CASZ1: variants seen among roughly 807,000 people sequenced by gnomAD.
CASZ1 encodes the protein castor zinc finger 1.
In CASZ1, 28 loss-of-function variants were observed where a neutral mutation model predicts 135.2. The observed-to-expected ratio is 0.21, with a 90% CI of 0.15 to 0.28. The LOEUF (loss-of-function observed/expected upper bound fraction) is 0.28, where lower values mean the gene tolerates loss of function less well. CASZ1 is among the 10% of genes least tolerant of loss of function. The pLI, the probability that CASZ1 is intolerant of heterozygous loss-of-function variation, is 1.00. For missense variants in CASZ1, 2,161 were observed against 2,453.3 expected (o/e 0.88, Z 2.52); for synonymous variants, 1,068 against 1,073.4 (o/e 0.99, Z 0.10).
chr1:10,690,420 G>A (rs1638727525), intron 4 of CASZ1, among the ~76,000 whole-genome samples: 1 of 152,226 alleles, frequency 6.6e-6, no homozygotes, highest in African/African-American at 2.4e-5. Flanking sequence ...CCTCAAGACA[G>A]TATGCTCTCA....
chr1:10,756,307 C>A lies in CASZ1; in HGVS notation c.-77+4394G>T, dbSNP rs560791520. 2.0e-5 allele frequency among the ~76,000 whole-genome samples: 3 copies of A among 152,356 alleles called. No homozygotes were observed. Among genetic ancestry groups the A allele is most frequent in the South Asian group, 4.1e-4 (2 of 4,830 alleles). On this transcript the variant is annotated intron_variant, in intron 2 of 20. Transcript: ENST00000377022. The surrounding 1 kb of genome is among the most constrained non-coding windows in gnomAD (Gnocchi z 5.9). ...CTTGGGACATCCCCGATGCACCCCCCACCCTCGCCCCCGCAAGACATCACC... is the reference window on the plus strand; with the variant it reads ...CTTGGGACATCCCCGATGCACCCCCAACCCTCGCCCCCGCAAGACATCACC...
chr1:10,681,153 G>A (rs1368984791), intron 4 of CASZ1, among the ~76,000 whole-genome samples: 1 of 151,784 alleles, frequency 6.6e-6, no homozygotes, highest in East Asian at 1.9e-4. Flanking sequence ...TGCCCGCCTT[G>A]GCCTCCCAAA....
In CASZ1 at chr1:10,694,584, C is replaced by CCCG. The variant is rs1171158662; in HGVS notation, c.-23-675_-23-673dup. 24,708 of 137,252 alleles carry CCCG rather than the reference C, an allele frequency of 0.18. 2,487 individuals are homozygous for CCCG. Among genetic ancestry groups the CCCG allele is most frequent in the Middle Eastern group, 0.32 (72 of 226 alleles). The allele number at this position is 137,252 out of a possible 1,614,324, so 8.5% of individuals were successfully genotyped here. On this transcript the variant is annotated intron_variant, in intron 3 of 20. Transcript: ENST00000377022. The surrounding 1 kb of genome is among the most constrained non-coding windows in gnomAD (Gnocchi z 6.6). Reference sequence around the variant, plus strand: ...GGCAGGTGAAAGAGCAGAGCGCGGCCCCGCCGCCGCCGCCGCCGCCGCCGC... The same window carrying CCCG: ...GGCAGGTGAAAGAGCAGAGCGCGGCCCCGCCGCCGCCGCCGCCGCCGCCGCCGC...
Position 10,644,945 on chromosome 1 carries a change from G to A in CASZ1, c.3840C>T (p.Phe1280=), listed in dbSNP as rs758888266. The change falls in exon 18 of 21, where the codon TTC becomes TTT. Residue 1280 remains phenylalanine, a synonymous_variant. Transcript: ENST00000377022. The part of the protein sequence containing the change: ...ERRAANGFKY[F]TKREECGRLG... ...GCCTGCCACACTCCTCGCGCTTGGT[G>A]AAGTATTTGAAGCCATTGGCTGCCC... 1.2e-6 allele frequency: 2 copies of A among 1,613,746 alleles called. No homozygotes were observed. The highest frequency in any genetic ancestry group is 2.7e-5 in the African/African-American group (2 of 74,936).
rs1423368118 is a variant in CASZ1 at position 10,777,290 on chromosome 1, G to A, written c.-233-16433C>T. On this transcript the variant is annotated intron_variant, in intron 1 of 20. Coordinates refer to ENST00000377022, the MANE Select transcript of CASZ1 (RefSeq NM_001079843.3). The surrounding 1 kb of genome is among the most constrained non-coding windows in gnomAD (Gnocchi z 4.4). ...GACAGGACAAGGACCGCAGGGTTGG[G>A]ACCCCTATGAGGACCACGGAGAGGG... Among the ~76,000 whole-genome samples the A allele has an allele frequency of 6.6e-6, 1 of 152,140 alleles. No individual in the cohort carries two copies. The highest frequency in any genetic ancestry group is 1.5e-5 in the Non-Finnish European group (1 of 68,016).
intron 2 of CASZ1, among the ~76,000 whole-genome samples, chr1:10,730,293 C>G (rs1408511453): frequency 6.6e-6 from 1 of 152,130 alleles, no homozygotes; most frequent in Non-Finnish European, 1.5e-5. Flanking sequence ...CTCGGCCTCC[C>G]AAAGTGCTGG....
chr1:10,719,648 C>A lies in CASZ1; in HGVS notation c.-76-14104G>T. 6.6e-6 allele frequency among the ~76,000 whole-genome samples: 1 copy of A among 152,344 alleles called. No homozygotes were observed. The highest frequency in any genetic ancestry group is 2.1e-4 in the South Asian group (1 of 4,830). ...GAGCAGATGCATGACTCAATTCAAC[C>A]AGGGAGCTGGGCCATGCCCTCAGGT... On this transcript the variant is annotated intron_variant, in intron 2 of 20. Transcript: ENST00000377022. This position sits in a 1 kb window ranked among gnomAD's most constrained non-coding sequence, Gnocchi z 4.0.
At chr1:10,770,948 G>A (rs920135130) in intron 1 of CASZ1, among the ~76,000 whole-genome samples, 3 of 152,200 alleles carry the variant, frequency 2.0e-5, no homozygotes, top group Non-Finnish European at 2.9e-5. Flanking sequence ...GCCATGGCAC[G>A]TGCAAGGAGA....
rs1208551352 is a variant in CASZ1, at chr1:10,700,406, GTC to G, written c.-24+5084_-24+5085del. Among the ~76,000 whole-genome samples the G allele has an allele frequency of 1.3e-5, 2 of 152,358 alleles. No homozygotes were observed. Among genetic ancestry groups the G allele is most frequent in the African/African-American group, 4.8e-5 (2 of 41,580 alleles). Reference sequence around the variant, plus strand: ...GGGGTCCCAGGAGGGGAGGCCCGCTGTCCTTATGGGAGGTGTGAGGTTTTCTA... The same window carrying G: ...GGGGTCCCAGGAGGGGAGGCCCGCTGCTTATGGGAGGTGTGAGGTTTTCTA... On this transcript the variant is annotated intron_variant, in intron 3 of 20. Coordinates refer to ENST00000377022, the MANE Select transcript of CASZ1 (RefSeq NM_001079843.3). This position sits in a 1 kb window ranked among gnomAD's most constrained non-coding sequence, Gnocchi z 4.2.
At chr1:10,743,934 T>G (rs948139538) in intron 2 of CASZ1, among the ~76,000 whole-genome samples, 1 of 151,754 alleles carries the variant, frequency 6.6e-6, no homozygotes, top group Non-Finnish European at 1.5e-5. Flanking sequence ...TCTGACCTTC[T>G]GTGAAGGATA....
At chr1:10,753,651 G>A (rs1024029014) in intron 2 of CASZ1, among the ~76,000 whole-genome samples, 1 of 152,160 alleles carries the variant, frequency 6.6e-6, no homozygotes, top group East Asian at 1.9e-4. Context: ...GTTTCTGAGC[G>A]GCTCCCCAGA....
rs919419366 is a variant in CASZ1, at chr1:10,735,823, T to G, written c.-77+24878A>C. Among the ~76,000 whole-genome samples the G allele has an allele frequency of 4.6e-5, 7 of 152,116 alleles. No homozygotes were observed. The highest frequency in any genetic ancestry group is 1.0e-4 in the Non-Finnish European group (7 of 68,020). On this transcript the variant is annotated intron_variant, in intron 2 of 20. Transcript: ENST00000377022. The surrounding 1 kb of genome is among the most constrained non-coding windows in gnomAD (Gnocchi z 5.1). The stretch of plus-strand genomic sequence containing the variant: ...TGCACCAAGGGGACACTGGGAGTTG[T>G]AGGTAGTCAGGGAGCCCAGAGGCAG...
chr1:10,758,998 C>T (rs926590116), intron 2 of CASZ1, among the ~76,000 whole-genome samples: 8 of 152,218 alleles, frequency 5.3e-5, no homozygotes, highest in Admixed American at 2.0e-4. Context: ...TACAAATCCC[C>T]GCTTGCATGA....
chr1:10,743,000 A>G (rs1639954911), intron 2 of CASZ1, among the ~76,000 whole-genome samples: 1 of 151,836 alleles, frequency 6.6e-6, no homozygotes, highest in African/African-American at 2.4e-5. Context: ...AAAGAAGAAA[A>G]AAAAGCCTCT....
At position 10,647,878 on chromosome 1, in the gene CASZ1, G is replaced by A. The variant is rs778432174; in HGVS notation, c.3420C>T (p.Pro1140=). 44 of 1,613,766 alleles carry A rather than the reference G, an allele frequency of 2.7e-5. No individual in the cohort carries two copies. The highest frequency in any genetic ancestry group is 3.5e-5 in the Non-Finnish European group (41 of 1,180,000). ...PQIPASVPHL[P]ASPLATTSLE... ...GAGAAGTCGTTGCCAAGGGCGAGGC[G>A]GGCAGGTGAGGCACTGACGCTGGGA... Residue 1140 remains proline (P), a synonymous_variant, in exon 16 of 21, where the codon CCC becomes CCT. Transcript: ENST00000377022. The surrounding 1 kb of genome is among the most constrained non-coding windows in gnomAD (Gnocchi z 4.9).
chr1:10,702,451 T>G (rs1639080936), intron 3 of CASZ1, among the ~76,000 whole-genome samples: 1 of 152,136 alleles, frequency 6.6e-6, no homozygotes, highest in African/African-American at 2.4e-5. Context: ...GAGGAAAGAT[T>G]TGCTCTGAGA....
chr1:10,660,484 G>C lies in CASZ1; in HGVS notation c.558C>G (p.Leu186=). 1 of 1,614,028 alleles carries C rather than the reference G, an allele frequency of 6.2e-7. No individual in the cohort carries two copies. The highest frequency in any genetic ancestry group is 8.5e-7 in the Non-Finnish European group (1 of 1,180,014). The change falls in exon 6 of 21, where the codon CTC becomes CTG. Residue 186 remains leucine, a synonymous_variant. Coordinates refer to ENST00000377022, the MANE Select transcript of CASZ1 (RefSeq NM_001079843.3). ...DYAASTMTEF[L]GMFGYDDQNT... is the part of the protein sequence containing the mutation. ...TCTGGTCATCATAGCCAAACATGCC[G>C]AGGAACTCGGTCATGGTGGAGGCCG... is the stretch of plus-strand genomic sequence containing the variant.
chr1:10,794,827 A>C lies in CASZ1; in HGVS notation c.-234+1737T>G, dbSNP rs559126611. 3.3e-5 allele frequency among the ~76,000 whole-genome samples: 5 copies of C among 152,018 alleles called. 1 individual carries two copies. In the South Asian group the frequency reaches 1.0e-3, roughly 32 times the overall value. On this transcript the variant is annotated intron_variant, in intron 1 of 20. Transcript: ENST00000377022. The surrounding 1 kb of genome is among the most constrained non-coding windows in gnomAD (Gnocchi z 5.6). ...CATACACCTGTTCCCTTCGCGGAGG[A>C]GCTTCCAGCGCCGGGGACAGACATT...
rs947826923 is a variant in CASZ1, at chr1:10,772,073, G to C, written c.-233-11216C>G. ...AGAGGGTGGAGCCACGTGACACCTG[G>C]GGGGAGCCTGCAGGAACAAGGTGAG... On this transcript the variant is annotated intron_variant, in intron 1 of 20. Transcript: ENST00000377022. Among the ~76,000 whole-genome samples, 6 of 152,362 alleles carry C rather than the reference G, an allele frequency of 3.9e-5. No homozygotes were observed. In the East Asian group the frequency reaches 9.6e-4, roughly 24 times the overall value.
Sources: allele counts gnomAD v4.1 joint callset (sites outside exome capture counted in the v4.1 genomes callset), GRCh38; gene constraint gnomAD v4.1.1; non-coding constraint Gnocchi (gnomAD v3.1); transcripts MANE v1.5; gene names NCBI Gene and HGNC (gene_info 2026-07-23, HGNC 2026-07-21).